The following LRRC37A2 variants were observed in gnomAD, a reference collection of about 807,000 sequenced individuals.
LRRC37A2 encodes the protein leucine rich repeat containing 37 member A2.
In LRRC37A2, 9 loss-of-function variants were observed where a neutral mutation model predicts 68.8. The observed-to-expected ratio is 0.13, with a 90% CI of 0.08 to 0.23. LRRC37A2 has a LOEUF of 0.23. Ranked by LOEUF, LRRC37A2 falls within the 10% of genes least tolerant of loss-of-function variation. LRRC37A2 has a pLI of 1.00. For missense variants in LRRC37A2, 168 were observed against 950.4 expected, an observed-to-expected ratio of 0.18 and a Z score of 10.82; for synonymous variants, 63 against 367.6, an observed-to-expected ratio of 0.17 and a Z score of 9.48.
chr17:47,004,458 C>T, the LRRC37A2 span, among the ~76,000 whole-genome samples: 1 of 152,244 alleles, frequency 6.6e-6, no homozygotes, highest in Non-Finnish European at 1.5e-5. Flanking sequence ...GGGCCAGCAG[C>T]AGGGGTGGCA....
the LRRC37A2 span, chr17:46,876,522 C>T: frequency 6.2e-7 from 1 of 1,613,522 alleles, no homozygotes; most frequent in African/African-American, 1.3e-5. Flanking sequence ...TTCTGCCGGC[C>T]CAGCAAGTAC....
the LRRC37A2 span, among the ~76,000 whole-genome samples, chr17:46,825,642 A>G: frequency 8.5e-5 from 13 of 152,356 alleles, no homozygotes; most frequent in South Asian, 2.1e-4. Flanking sequence ...GATGAGCAAA[A>G]GCAGCCCAGG....
the LRRC37A2 span, among the ~76,000 whole-genome samples, chr17:46,867,476 C>T: frequency 6.6e-6 from 1 of 152,226 alleles, no homozygotes; most frequent in South Asian, 2.1e-4. Flanking sequence ...TGAGTCAGAC[C>T]TAGGACCAGA....
chr17:46,492,137 G>A, the LRRC37A2 span, among the ~76,000 whole-genome samples: 1 of 151,412 alleles, frequency 6.6e-6, no homozygotes, highest in South Asian at 2.1e-4. Context: ...CTAATTTTTG[G>A]TATTTTCAGT....
chr17:46,754,149 CTT>C, the LRRC37A2 span, among the ~76,000 whole-genome samples: 1 of 134,038 alleles, frequency 7.5e-6, no homozygotes, highest in African/African-American at 2.8e-5. Context: ...CCAGCCAGTT[CTT>C]TTTTTTTTTT....
the LRRC37A2 span, chr17:47,024,563 A>T: frequency 1.3e-6 from 1 of 775,298 alleles, no homozygotes; most frequent in South Asian, 1.4e-5. Flanking sequence ...AGCAGAGCAG[A>T]TCCCACCATC....
At chr17:46,957,871 G>A in the LRRC37A2 span, among the ~76,000 whole-genome samples, 2 of 152,076 alleles carry the variant, frequency 1.3e-5, no homozygotes, top group African/African-American at 4.8e-5. Context: ...GAGCACTCAG[G>A]GGAAACGGAG....
chr17:46,949,070 G>C, the LRRC37A2 span: 2 of 152,218 alleles, frequency 1.3e-5, no homozygotes, highest in African/African-American at 2.4e-5. Context: ...GACGGCAATA[G>C]CTCTCAGTTG....
At chr17:47,003,932 C>A in the LRRC37A2 span, among the ~76,000 whole-genome samples, 1 of 152,080 alleles carries the variant, frequency 6.6e-6, no homozygotes, top group African/African-American at 2.4e-5. Context: ...CATGTGTTCT[C>A]GTTGTTCAAT....
chr17:46,784,815 G>A, the LRRC37A2 span, among the ~76,000 whole-genome samples: 5 of 138,748 alleles, frequency 3.6e-5, no homozygotes, highest in African/African-American at 5.4e-5. Context: ...TCGCTCTGTC[G>A]CCCAGGCTGG....
chr17:46,967,796 A>G, the LRRC37A2 span, among the ~76,000 whole-genome samples: 1 of 151,960 alleles, frequency 6.6e-6, no homozygotes, highest in African/African-American at 2.4e-5. Context: ...TGGGCAAATC[A>G]CCTTGGTGGC....
chr17:46,493,216 G>A, the LRRC37A2 span, among the ~76,000 whole-genome samples: 1 of 133,756 alleles, frequency 7.5e-6, no homozygotes, highest in Non-Finnish European at 1.5e-5. Flanking sequence ...GGAGAGCAGT[G>A]GCACAGTCAC....
At chr17:47,039,557 TG>T in the LRRC37A2 span, among the ~76,000 whole-genome samples, 1 of 31,484 alleles carries the variant, frequency 3.2e-5, no homozygotes, top group Non-Finnish European at 6.9e-5. Context: ...GAGGATCCCT[TG>T]TATGTGATGA....
chr17:46,699,402 G>GACACACAC, the LRRC37A2 span, among the ~76,000 whole-genome samples: 221 of 148,268 alleles, frequency 1.5e-3, no homozygotes, highest in Non-Finnish European at 2.4e-3. Context: ...ATAAACTGAG[G>GACACACAC]ACACACACAC....
At chr17:46,899,108 G>A in the LRRC37A2 span, among the ~76,000 whole-genome samples, 71 of 152,238 alleles carry the variant, frequency 4.7e-4, no homozygotes, top group Middle Eastern at 3.4e-3. Context: ...ACTGACACAC[G>A]GCTGGGTGCA....
At chr17:46,493,532 A>C in the LRRC37A2 span, among the ~76,000 whole-genome samples, 2,212 of 108,202 alleles carry the variant, frequency 0.02, 211 homozygotes, top group African/African-American at 0.071. Context: ...CTTTTATTTT[A>C]TTTTATTTAT....
At chr17:46,832,269 C>G in the LRRC37A2 span, among the ~76,000 whole-genome samples, 1 of 152,154 alleles carries the variant, frequency 6.6e-6, no homozygotes, top group Non-Finnish European at 1.5e-5. Context: ...CTTGACCCCT[C>G]GGAGCCCCCA....
At chr17:46,744,789 G>GT in the LRRC37A2 span, among the ~76,000 whole-genome samples, 328 of 151,918 alleles carry the variant, frequency 2.2e-3, 1 homozygote, top group Middle Eastern at 3.4e-3. Flanking sequence ...GTAAAGAAGT[G>GT]TTTTTTTTGA....
At chr17:47,010,876 G>A in the LRRC37A2 span, 8 of 152,288 alleles carry the variant, frequency 5.3e-5, no homozygotes, top group African/African-American at 1.4e-4. Context: ...CCTCCTTCCC[G>A]AGGCTCAGTG....
Sources: allele counts gnomAD v4.1 joint callset (sites outside exome capture counted in the v4.1 genomes callset), GRCh38; gene constraint gnomAD v4.1.1; transcripts MANE v1.5; gene names NCBI Gene and HGNC (gene_info 2026-07-23, HGNC 2026-07-21).